Variants in SPTAN1 observed in about 807,000 individuals in gnomAD.
SPTAN1 encodes the protein spectrin alpha chain, non-erythrocytic 1.
Under a neutral mutation model 331.3 loss-of-function variants are expected in SPTAN1, and 61 were observed. That is an observed-to-expected ratio of 0.18 (90% CI 0.15 to 0.23). The LOEUF is 0.23. SPTAN1 is among the 10% of genes least tolerant of loss of function. The pLI is 1.00. For synonymous variants in SPTAN1, 1,153 were observed against 1,173.9 expected (o/e 0.98, Z 0.36); for missense variants, 2,043 against 3,147.9 (o/e 0.65, Z 8.40).
At position 128,602,295 on chromosome 9, in the gene SPTAN1, C is replaced by A. The variant is rs1400781502; in HGVS notation, c.3580-1248C>A. ...GCAGTAACGTGATCTCAGCTCACTG[C>A]AACCTCTGCCTCCTGGGTTCAAGCA... On this transcript the variant is annotated intron_variant, in intron 27 of 56. Transcript: ENST00000372739. 3.3e-5 allele frequency among the ~76,000 whole-genome samples: 5 copies of A among 150,974 alleles called. No homozygotes were observed. In the South Asian group the frequency reaches 1.0e-3, roughly 32 times the overall value.
chr9:128,583,987 C>A lies in SPTAN1; in HGVS notation c.2193+18C>A. 1.9e-6 allele frequency: 3 copies of A among 1,614,040 alleles called. No homozygotes were observed. The highest frequency in any genetic ancestry group is 2.5e-6 in the Non-Finnish European group (3 of 1,179,984). On this transcript the variant is annotated intron_variant, in intron 16 of 56. Coordinates refer to ENST00000372739, the MANE Select transcript of SPTAN1 (RefSeq NM_001130438.3). ...CTCACCAGGTAGTGTGAACTGGGGG[C>A]TGTGGTTGGGCAAGTGAATGCAGAA...
chr9:128,557,212 C>A (rs1848734308), intron 1 of SPTAN1, among the ~76,000 whole-genome samples: 1 of 152,202 alleles, frequency 6.6e-6, no homozygotes, highest in African/African-American at 2.4e-5. Flanking sequence ...CTAGTGGTGT[C>A]CTGCCTGAGA....
chr9:128,562,393 G>A (rs534232787), intron 1 of SPTAN1, among the ~76,000 whole-genome samples: 13 of 151,986 alleles, frequency 8.6e-5, no homozygotes, highest in South Asian at 2.1e-4. Flanking sequence ...GAGCCACCGC[G>A]CCCAGCCGAG....
At chr9:128,581,753 A>G (rs761805865) in intron 11 of SPTAN1, 29 bp from the exon 12 acceptor site, 1 of 1,555,708 alleles carries the variant, frequency 6.4e-7, no homozygotes, top group Non-Finnish European at 8.9e-7. Context: ...ATAGGACATT[A>G]TTCTGAACAC....
chr9:128,606,674 C>T (rs1306241853), intron 31 of SPTAN1, among the ~76,000 whole-genome samples: 8 of 151,528 alleles, frequency 5.3e-5, no homozygotes, highest in African/African-American at 2.4e-5. Flanking sequence ...TTAGTAGAGG[C>T]GGGGTTTCTC....
intron 1 of SPTAN1, chr9:128,553,240 C>T (rs987586145): frequency 7.2e-5 from 11 of 152,408 alleles, no homozygotes; most frequent in African/African-American, 2.6e-4. Flanking sequence ...TAATTTCATC[C>T]TGCATGGCGA....
chr9:128,556,696 C>G (rs1848675546), intron 1 of SPTAN1, among the ~76,000 whole-genome samples: 1 of 152,170 alleles, frequency 6.6e-6, no homozygotes, highest in African/African-American at 2.4e-5. Context: ...ATGAATTAAT[C>G]AGTTTGAAGG....
rs762933433 is a variant in SPTAN1 at position 128,605,336 on chromosome 9, C to G, written c.3905C>G (p.Ser1302Cys). ...GAAACAGCAGAGCGCCTGATCCAGT[C>G]CCATCCCGAGTCAGCAGAAGACCTG... ...LGETAERLIQSHPESAEDLQE... is the reference protein window; with the variant it reads ...LGETAERLIQCHPESAEDLQE... Residue 1302 changes from serine to cysteine, a missense_variant, in exon 31 of 57, where the codon TCC becomes TGC. By Grantham distance (112) the Ser-to-Cys change is moderately radical (BLOSUM62 -1). This residue lies in a region of SPTAN1 where 42 missense variants were observed against 106.0 expected (regional missense o/e 0.40). Transcript: ENST00000372739. The G allele has an allele frequency of 6.2e-7, 1 of 1,614,166 alleles. No homozygotes were observed. The highest frequency in any genetic ancestry group is 8.5e-7 in the Non-Finnish European group (1 of 1,180,048).
chr9:128,577,973 A>G lies in SPTAN1; in HGVS notation c.1086-137A>G. On this transcript the variant is annotated intron_variant, in intron 8 of 56. Coordinates refer to ENST00000372739, the MANE Select transcript of SPTAN1 (RefSeq NM_001130438.3). This position sits in a 1 kb window ranked among gnomAD's most constrained non-coding sequence, Gnocchi z 4.2. ...TTTCCTTCACAGTCTAGATTGGGAAATTTTCATATTTCCCAGAATTAGAAT... is the reference window on the plus strand; with the variant it reads ...TTTCCTTCACAGTCTAGATTGGGAAGTTTTCATATTTCCCAGAATTAGAAT... 4.3e-6 allele frequency: 5 copies of G among 1,154,892 alleles called. No individual in the cohort carries two copies. The highest frequency in any genetic ancestry group is 6.4e-6 in the Non-Finnish European group (5 of 782,710). 71.5% of individuals were successfully genotyped at this position (1,154,892 alleles called of 1,614,324 possible).
At chr9:128,566,632 C>A in intron 1 of SPTAN1, 106 bp from the exon 2 acceptor site, 1 of 1,531,604 alleles carries the variant, frequency 6.5e-7, no homozygotes, top group Non-Finnish European at 9.0e-7. Flanking sequence ...ATTCATTTGT[C>A]TCCTGGGTTT....
chr9:128,586,010 A>G (rs556767629), intron 19 of SPTAN1, 45 bp downstream of exon 19: 70 of 1,576,858 alleles, frequency 4.4e-5, no homozygotes, highest in Non-Finnish European at 5.9e-5. Flanking sequence ...GAAGTGGAAC[A>G]GGGCTTGTAC....
At chr9:128,606,497 T>TGGG (rs71381780) in intron 31 of SPTAN1, among the ~76,000 whole-genome samples, 19 of 134,150 alleles carry the variant, frequency 1.4e-4, no homozygotes, top group African/African-American at 2.0e-4. Flanking sequence ...ATTTTTTTTT[T>TGGG]GGGGGGGGAA....
At chr9:128,584,208 C>G (rs531646475) in intron 16 of SPTAN1, 74 bp from the exon 17 acceptor site, 1 of 1,606,742 alleles carries the variant, frequency 6.2e-7, no homozygotes, top group East Asian at 2.2e-5. Flanking sequence ...GGAAAAAAGA[C>G]CTTATCAATT....
chr9:128,559,431 G>A (rs1479504442), intron 1 of SPTAN1, among the ~76,000 whole-genome samples: 1 of 152,170 alleles, frequency 6.6e-6, no homozygotes. Context: ...TCTGTAGCAG[G>A]TAAAGGATTT....
At chr9:128,615,599 C>G in intron 40 of SPTAN1, 33 bp from the exon 41 acceptor site, 1 of 1,611,480 alleles carries the variant, frequency 6.2e-7, no homozygotes, top group Non-Finnish European at 8.5e-7. Context: ...GTGGGAGACC[C>G]AGTTTCTGAC....
Position 128,632,474 on chromosome 9 carries a change from A to G in SPTAN1, c.7003A>G (p.Met2335Val). 2 of 1,614,178 alleles carry G rather than the reference A, an allele frequency of 1.2e-6. No individual in the cohort carries two copies. Among genetic ancestry groups the G allele is most frequent in the Non-Finnish European group, 1.7e-6 (2 of 1,180,020 alleles). Residue 2335 changes from methionine (M) to valine (V), a missense_variant, in exon 54 of 57, where the codon ATG becomes GTG. Around this residue, in one of 12 missense-constraint regions of SPTAN1, gnomAD observed 58 missense variants for 74.0 expected, o/e 0.78. Coordinates refer to ENST00000372739, the MANE Select transcript of SPTAN1 (RefSeq NM_001130438.3). ...TGAGGAGGCCCTCAAAGAATTCAGC[A>G]TGATGTTTAAGTGAGTTCAGCCTTA... ...VTEEALKEFS[M>V]MFKHFDKDKS...
Position 128,609,191 on chromosome 9 carries a change from G to T in SPTAN1, c.4665G>T (p.Gln1555His). Reference sequence around the variant, plus strand: ...TAGGAGAATCTCAAACCCTCCAACAGTTCAGCCGGGATGTGGATGAGATTG... The same window carrying T: ...TAGGAGAATCTCAAACCCTCCAACATTTCAGCCGGGATGTGGATGAGATTG... ...SKLGESQTLQ[Q>H]FSRDVDEIEA... The change falls in exon 36 of 57, where the codon CAG becomes CAT. Residue 1555 changes from glutamine (Q) to histidine (H), a missense_variant. Coordinates refer to ENST00000372739, the MANE Select transcript of SPTAN1 (RefSeq NM_001130438.3). 1 of 1,614,218 alleles carries T rather than the reference G, an allele frequency of 6.2e-7. No homozygotes were observed. Among genetic ancestry groups the T allele is most frequent in the Non-Finnish European group, 8.5e-7 (1 of 1,180,044 alleles).
chr9:128,561,133 G>A (rs1369796754), intron 1 of SPTAN1, among the ~76,000 whole-genome samples: 1 of 151,952 alleles, frequency 6.6e-6, no homozygotes, highest in Non-Finnish European at 1.5e-5. Flanking sequence ...ACTTTGGGAG[G>A]CCGAGGCGGG....
At chr9:128,611,328 G>T (rs1236144235) in intron 37 of SPTAN1, among the ~76,000 whole-genome samples, 2 of 151,974 alleles carry the variant, frequency 1.3e-5, no homozygotes, top group South Asian at 2.1e-4. Context: ...AAATTAGCTG[G>T]GTGTGATGTC....
Sources: gnomAD v4.1 joint callset for allele counts (sites outside exome capture counted in the v4.1 genomes callset) on GRCh38, gnomAD v4.1.1 for gene constraint, gnomAD v4.1.1 regional missense constraint, Gnocchi (gnomAD v3.1) non-coding constraint, MANE v1.5 for transcripts, NCBI Gene and HGNC (gene_info 2026-07-23, HGNC 2026-07-21) for gene names.